PRKAR1B: variants seen among roughly 807,000 people sequenced by gnomAD.
PRKAR1B encodes cAMP-dependent protein kinase type I-beta regulatory subunit.
PRKAR1B carries 22 observed loss-of-function variants against 46.5 expected under a neutral mutation model. The ratio of observed to expected loss-of-function variants is 0.47; its 90% CI spans 0.34 to 0.68. The LOEUF (loss-of-function observed/expected upper bound fraction) is 0.68, where lower values mean the gene tolerates loss of function less well. Among genes scored for constraint, PRKAR1B ranks in the 30% least tolerant of loss-of-function variants. PRKAR1B has a pLI of 0.01. For missense variants in PRKAR1B, 445 were observed against 535.6 expected (o/e 0.83, Z 1.67); for synonymous variants, 259 against 217.7 (o/e 1.19, Z -1.67).
At chr7:706,627 G>C (rs1160734327) in intron 2 of PRKAR1B, among the ~76,000 whole-genome samples, 1 of 137,546 alleles carries the variant, frequency 7.3e-6, no homozygotes, top group Non-Finnish European at 1.5e-5. Flanking sequence ...GGGTTTCACT[G>C]TGTTAGCCAG....
intron 8 of PRKAR1B, among the ~76,000 whole-genome samples, chr7:583,447 T>TACACACCCACATGCGTGCA (rs1562537171): frequency 1.0e-4 from 5 of 48,108 alleles, no homozygotes; most frequent in African/African-American, 2.8e-4. Context: ...CAGTGCACAC[T>TACACACCCACATGCGTGCA]CACACCCACT....
intron 9 of PRKAR1B, among the ~76,000 whole-genome samples, chr7:551,699 C>A (rs1279072290): frequency 6.7e-6 from 1 of 149,580 alleles, no homozygotes; most frequent in African/African-American, 2.5e-5. Flanking sequence ...CCCCCATGTC[C>A]TGCCCAGGTC....
intron 2 of PRKAR1B, among the ~76,000 whole-genome samples, chr7:699,925 C>T (rs935325901): frequency 6.6e-6 from 1 of 152,092 alleles, no homozygotes; most frequent in Non-Finnish European, 1.5e-5. Context: ...GCTCGAGGCC[C>T]GATGGGAAGC....
chr7:688,435 A>G (rs1372166627), intron 2 of PRKAR1B, among the ~76,000 whole-genome samples: 1 of 150,464 alleles, frequency 6.6e-6, no homozygotes, highest in African/African-American at 2.4e-5. Context: ...CAGATTGCAC[A>G]CTCCCCTGCC....
At chr7:700,953 C>A (rs1364630437) in intron 2 of PRKAR1B, among the ~76,000 whole-genome samples, 1 of 151,970 alleles carries the variant, frequency 6.6e-6, no homozygotes, top group Non-Finnish European at 1.5e-5. Flanking sequence ...TTTGGGAGGC[C>A]GAGGTGGATG....
chr7:620,015 TAC>T (rs1783029788), intron 4 of PRKAR1B, among the ~76,000 whole-genome samples: 1 of 119,944 alleles, frequency 8.3e-6, no homozygotes. Context: ...CATACCCAGC[TAC>T]TTTTTTTTTT....
rs116679944 is a variant in PRKAR1B at position 704,613 on chromosome 7, C to T, written c.177+6716G>A. The stretch of plus-strand genomic sequence containing the variant: ...CAACATGGTGAAATCCCGTCCCCAC[C>T]AAAAATACAAAAATGAGCCAGGCGC... On this transcript the variant is annotated intron_variant, in intron 2 of 10. Transcript: ENST00000537384. Among the ~76,000 whole-genome samples, 1,001 of 151,584 alleles carry T rather than the reference C, an allele frequency of 6.6e-3. 14 individuals are homozygous for T. Among genetic ancestry groups the T allele is most frequent in the African/African-American group, 0.023 (944 of 41,292 alleles).
At chr7:643,412 G>A (rs546028908) in intron 4 of PRKAR1B, among the ~76,000 whole-genome samples, 1 of 151,502 alleles carries the variant, frequency 6.6e-6, no homozygotes, top group South Asian at 2.1e-4. Flanking sequence ...ACGATCCTTC[G>A]CAGCTCACTC....
At chr7:699,339 C>T (rs1011523705) in intron 2 of PRKAR1B, among the ~76,000 whole-genome samples, 2 of 152,204 alleles carry the variant, frequency 1.3e-5, no homozygotes, top group African/African-American at 2.4e-5. Context: ...TGCCATATCT[C>T]GGTGTTCCTG....
At chr7:633,529 C>G (rs917018203) in intron 4 of PRKAR1B, among the ~76,000 whole-genome samples, 1 of 151,980 alleles carries the variant, frequency 6.6e-6, no homozygotes, top group African/African-American at 2.4e-5. Flanking sequence ...TTTGGGAGGC[C>G]GAGGCGGGAG....
chr7:553,623 C>G (rs561383745), intron 9 of PRKAR1B, among the ~76,000 whole-genome samples: 2 of 152,330 alleles, frequency 1.3e-5, no homozygotes, highest in African/African-American at 4.8e-5. Flanking sequence ...TCTTGGAGAA[C>G]AAACACTTCA....
intron 4 of PRKAR1B, among the ~76,000 whole-genome samples, chr7:652,673 T>A (rs1279284940): frequency 6.6e-6 from 1 of 152,250 alleles, no homozygotes; most frequent in Non-Finnish European, 1.5e-5. Context: ...CCATTTGTGA[T>A]GTGGGAGTGT....
intron 4 of PRKAR1B, among the ~76,000 whole-genome samples, chr7:675,147 C>G (rs1786507336): frequency 6.6e-6 from 1 of 152,234 alleles, no homozygotes; most frequent in South Asian, 2.1e-4. Flanking sequence ...CCCACGTGAC[C>G]TTGGCAAAGG....
intron 4 of PRKAR1B, among the ~76,000 whole-genome samples, chr7:665,252 T>C (rs1785839240): frequency 6.6e-6 from 1 of 152,222 alleles, no homozygotes; most frequent in Non-Finnish European, 1.5e-5. Flanking sequence ...ATGAGCTGTG[T>C]GTGCATTCAC....
At chr7:607,550 A>G (rs1782167531) in intron 4 of PRKAR1B, 98 bp from the exon 5 acceptor site, 2 of 1,043,816 alleles carry the variant, frequency 1.9e-6, no homozygotes, top group Non-Finnish European at 3.0e-6. Context: ...ATCGCTTCAC[A>G]GTCATTGGGG....
intron 2 of PRKAR1B, among the ~76,000 whole-genome samples, chr7:705,790 GC>G (rs1242079009): frequency 1.3e-5 from 2 of 152,176 alleles, no homozygotes; most frequent in East Asian, 3.8e-4. Context: ...ACACTGGGAG[GC>G]CGAGGCAGGT....
chr7:574,184 G>A lies in PRKAR1B; in HGVS notation c.891+5072C>T, dbSNP rs534175762. On this transcript the variant is annotated intron_variant, in intron 9 of 10. Coordinates refer to ENST00000537384, the MANE Select transcript of PRKAR1B (RefSeq NM_001164760.2). Reference sequence around the variant, plus strand: ...GGGCCTTGCTCTGCAGTGAATAATGGGTGATTGTCTGAATCAGCCACAGCT... The same window carrying A: ...GGGCCTTGCTCTGCAGTGAATAATGAGTGATTGTCTGAATCAGCCACAGCT... Among the ~76,000 whole-genome samples the A allele has an allele frequency of 1.6e-4, 24 of 152,372 alleles. No individual in the cohort carries two copies. The South Asian group carries it at 5.0e-3, about 32-fold the overall frequency.
intron 3 of PRKAR1B, among the ~76,000 whole-genome samples, chr7:678,463 C>CGTCT (rs548286219): frequency 1.3e-4 from 20 of 152,292 alleles, no homozygotes; most frequent in African/African-American, 3.6e-4. Flanking sequence ...CCATTCCTCC[C>CGTCT]GTCTGTCTGT....
intron 9 of PRKAR1B, among the ~76,000 whole-genome samples, chr7:566,529 T>TCATCACCACCATC (rs1422013726): frequency 3.2e-5 from 1 of 31,518 alleles, no homozygotes; most frequent in Non-Finnish European, 7.8e-5. Flanking sequence ...TCACCATCAT[T>TCATCACCACCATC]ATGGCCACCA....
Sources: allele counts gnomAD v4.1 joint callset (sites outside exome capture counted in the v4.1 genomes callset), GRCh38; gene constraint gnomAD v4.1.1; transcripts MANE v1.5; gene names NCBI Gene and HGNC (gene_info 2026-07-23, HGNC 2026-07-21).